The following PBX1 variants were observed in gnomAD, a reference collection of about 807,000 sequenced individuals.
PBX1 encodes the protein pre-B-cell leukemia transcription factor 1.
Under a neutral mutation model 53.4 loss-of-function variants are expected in PBX1, and 6 were observed. The ratio of observed to expected loss-of-function variants is 0.11; its 90% confidence interval spans 0.06 to 0.22. PBX1 has a LOEUF of 0.22. Among genes scored for constraint, PBX1 ranks in the 10% least tolerant of loss-of-function variants. The pLI is 1.00. For synonymous variants in PBX1, 204 were observed against 212.3 expected (o/e 0.96, Z 0.34); for missense variants, 251 against 551.4 (o/e 0.46, Z 5.46).
chr1:164,880,100 G>A (rs1447301564), intron 2 of PBX1, among the ~76,000 whole-genome samples: 1 of 152,154 alleles, frequency 6.6e-6, no homozygotes, highest in Non-Finnish European at 1.5e-5. Context: ...GAAGGCTTAT[G>A]TTTTTCAATG....
intron 2 of PBX1, among the ~76,000 whole-genome samples, chr1:164,733,069 C>G (rs1239954695): frequency 2.0e-5 from 3 of 152,194 alleles, no homozygotes; most frequent in African/African-American, 7.2e-5. Flanking sequence ...CTCAGAAGCT[C>G]TACTCCCTTG....
At chr1:164,667,412 A>ACG (rs151017823) in intron 2 of PBX1, among the ~76,000 whole-genome samples, 1 of 147,406 alleles carries the variant, frequency 6.8e-6, no homozygotes, top group African/African-American at 2.5e-5. Flanking sequence ...TATGTATAAT[A>ACG]TGTGTGTGTG....
intron 2 of PBX1, among the ~76,000 whole-genome samples, chr1:164,587,512 T>C (rs940736189): frequency 6.6e-6 from 1 of 152,162 alleles, no homozygotes; most frequent in African/African-American, 2.4e-5. Flanking sequence ...TCTGCCTCTT[T>C]GTTGTTAGCT....
chr1:164,747,562 C>T (rs138902420), intron 2 of PBX1, among the ~76,000 whole-genome samples: 1 of 152,214 alleles, frequency 6.6e-6, no homozygotes, highest in East Asian at 1.9e-4. Flanking sequence ...AACTGTGTCT[C>T]TCTGAATCTT....
intron 2 of PBX1, among the ~76,000 whole-genome samples, chr1:164,714,451 T>G (rs1032643008): frequency 2.6e-5 from 4 of 152,248 alleles, no homozygotes; most frequent in African/African-American, 7.2e-5. Context: ...GTGTTATAGA[T>G]ACTTAGCAGG....
At chr1:164,647,233 C>A (rs1163023788) in intron 2 of PBX1, among the ~76,000 whole-genome samples, 1 of 152,196 alleles carries the variant, frequency 6.6e-6, no homozygotes, top group Non-Finnish European at 1.5e-5. Context: ...TGAATGAACT[C>A]TTCAAACTGA....
chr1:164,602,310 C>T (rs1305873616), intron 2 of PBX1, among the ~76,000 whole-genome samples: 1 of 152,212 alleles, frequency 6.6e-6, no homozygotes, highest in Non-Finnish European at 1.5e-5. Flanking sequence ...GCCATCTCCC[C>T]TCACACCCCG....
chr1:164,571,308 C>T (rs1653834449), intron 2 of PBX1, among the ~76,000 whole-genome samples: 1 of 152,094 alleles, frequency 6.6e-6, no homozygotes, highest in Non-Finnish European at 1.5e-5. Context: ...CTCCTTGCCC[C>T]CTAAAAAAAC....
At chr1:164,700,412 T>G (rs1406443222) in intron 2 of PBX1, 1 of 976,780 alleles carries the variant, frequency 1.0e-6, no homozygotes, top group African/African-American at 1.8e-5. Flanking sequence ...ATTTCTCCAT[T>G]GGAGACTTAA....
At chr1:164,861,315 G>A (rs1284392926) in intron 2 of PBX1, among the ~76,000 whole-genome samples, 2 of 152,132 alleles carry the variant, frequency 1.3e-5, no homozygotes, top group African/African-American at 4.8e-5. Flanking sequence ...TTTAAGAGCA[G>A]CTCTGCTTAA....
intron 3 of PBX1, among the ~76,000 whole-genome samples, chr1:164,797,745 T>A (rs1012784994): frequency 6.6e-6 from 1 of 152,216 alleles, no homozygotes; most frequent in African/African-American, 2.4e-5. Context: ...GAGATAATTG[T>A]GACATGTACT....
chr1:164,612,657 A>G (rs1657015272), intron 2 of PBX1, among the ~76,000 whole-genome samples: 1 of 152,068 alleles, frequency 6.6e-6, no homozygotes, highest in Admixed American at 6.5e-5. Context: ...AAAAGATTCT[A>G]GACTGGAAAG....
intron 2 of PBX1, chr1:164,702,893 G>A (rs1420351534): frequency 6.6e-6 from 1 of 152,068 alleles, no homozygotes; most frequent in African/African-American, 2.4e-5. Flanking sequence ...ATGGTCTTTT[G>A]GAGATACTTT....
At chr1:164,736,820 G>A (rs1243824734) in intron 2 of PBX1, among the ~76,000 whole-genome samples, 2 of 152,320 alleles carry the variant, frequency 1.3e-5, no homozygotes, top group South Asian at 4.1e-4. Flanking sequence ...TGAGAGTACT[G>A]TGTTTCTTAT....
rs71583414 is a variant in PBX1, at chr1:164,603,929, A to ATTTTTTTTTTTTTTTT, written c.265+40636_265+40651dup. On this transcript the variant is annotated intron_variant, in intron 2 of 8. Transcript: ENST00000420696. ...GACACTCTGTACATTATGTCATTTCATTTTTTTTTTTTTTTTTTTTTTTTT... is the reference window on the plus strand; with the variant it reads ...GACACTCTGTACATTATGTCATTTCATTTTTTTTTTTTTTTTTTTTTTTTTTTTTTTTTTTTTTTTT... Among the ~76,000 whole-genome samples, 72 of 75,756 alleles carry ATTTTTTTTTTTTTTTT rather than the reference A, an allele frequency of 9.5e-4. 14 individuals carry two copies. The highest frequency in any genetic ancestry group is 1.1e-3 in the Non-Finnish European group (49 of 44,400). The allele number at this position is 75,756 out of a possible 152,430, so 49.7% of individuals were successfully genotyped here.
intron 2 of PBX1, among the ~76,000 whole-genome samples, chr1:164,755,253 C>T (rs775764293): frequency 3.9e-5 from 6 of 152,152 alleles, no homozygotes; most frequent in Non-Finnish European, 7.3e-5. Flanking sequence ...CGGTTTCAAG[C>T]GATTCTCCTG....
chr1:164,767,448 A>G lies in PBX1; in HGVS notation c.266-25046A>G, dbSNP rs1667117359. ...CAGAGAGTGCGCTGGAGGCATATAC[A>G]TGTGCGGGGCCCGGAGAGGAGGAGT... On this transcript the variant is annotated intron_variant, in intron 2 of 8. Coordinates refer to ENST00000420696, the MANE Select transcript of PBX1 (RefSeq NM_002585.4). Among the ~76,000 whole-genome samples, 2 of 152,048 alleles carry G rather than the reference A, an allele frequency of 1.3e-5. 1 individual carries two copies. The highest frequency in any genetic ancestry group is 4.1e-4 in the South Asian group (2 of 4,822).
chr1:164,794,542 A>G (rs1668691853), intron 3 of PBX1, among the ~76,000 whole-genome samples: 1 of 152,174 alleles, frequency 6.6e-6, no homozygotes, highest in Non-Finnish European at 1.5e-5. Context: ...GGGAAAGAAC[A>G]AATGTTCTCG....
intron 2 of PBX1, among the ~76,000 whole-genome samples, chr1:164,767,592 A>G (rs891184232): frequency 6.6e-6 from 1 of 152,064 alleles, no homozygotes; most frequent in South Asian, 2.1e-4. Flanking sequence ...GTCATCCCCA[A>G]AGAATTCTGA....
Sources: allele counts gnomAD v4.1 joint callset (sites outside exome capture counted in the v4.1 genomes callset), GRCh38; gene constraint gnomAD v4.1.1; transcripts MANE v1.5; gene names NCBI Gene and HGNC (gene_info 2026-07-23, HGNC 2026-07-21).